Variants in MLIP observed in about 807,000 individuals in gnomAD.
MLIP encodes the protein muscular LMNA interacting protein.
Under a neutral mutation model 84.8 loss-of-function variants are expected in MLIP, and 79 were observed. The ratio of observed to expected loss-of-function variants is 0.93; its 90% confidence interval spans 0.78 to 1.12. The LOEUF is 1.12. Ranked by LOEUF, MLIP falls within the 50% of genes most tolerant of loss-of-function variation. The pLI, the probability that MLIP is intolerant of heterozygous loss-of-function variation, is 0.00. For missense variants in MLIP, 1,257 were observed against 1,160.6 expected (o/e 1.08, Z -1.21); for synonymous variants, 504 against 463.0 (o/e 1.09, Z -1.14).
At chr6:54,155,112 A>G (rs573271111) in intron 5 of MLIP, among the ~76,000 whole-genome samples, 1 of 152,252 alleles carries the variant, frequency 6.6e-6, no homozygotes, top group East Asian at 1.9e-4. Context: ...TTTTAAACCA[A>G]TCATGTAAAA....
At chr6:54,206,408 A>G (rs1779037413) in intron 11 of MLIP, among the ~76,000 whole-genome samples, 1 of 152,046 alleles carries the variant, frequency 6.6e-6, no homozygotes, top group Admixed American at 6.6e-5. Flanking sequence ...TTTCCAAGAA[A>G]TATTTTTCTT....
chr6:54,169,235 G>T (rs1006712427), intron 8 of MLIP, among the ~76,000 whole-genome samples: 4 of 151,658 alleles, frequency 2.6e-5, no homozygotes, highest in Admixed American at 2.6e-4. Context: ...ATTTCTACAT[G>T]AATTTTGAAA....
At chr6:54,186,446 G>A (rs1054237889) in intron 9 of MLIP, among the ~76,000 whole-genome samples, 1 of 152,114 alleles carries the variant, frequency 6.6e-6, no homozygotes, top group Non-Finnish European at 1.5e-5. Context: ...AAATGAAGTG[G>A]GACTTCCAAG....
chr6:54,089,320 TTACCTTAAGC>T (rs1233392216), intron 1 of MLIP, among the ~76,000 whole-genome samples: 2 of 152,156 alleles, frequency 1.3e-5, no homozygotes, highest in African/African-American at 4.8e-5. Context: ...CCACCGGGAA[TTACCTTAAGC>T]TAAGTTTGAA....
intron 12 of MLIP, among the ~76,000 whole-genome samples, chr6:54,246,272 A>C (rs1782074584): frequency 6.6e-6 from 1 of 152,190 alleles, no homozygotes; most frequent in South Asian, 2.1e-4. Context: ...CTTTCAAAGC[A>C]TTAGAAGTCC....
intron 5 of MLIP, among the ~76,000 whole-genome samples, chr6:54,150,013 G>T (rs1354462214): frequency 6.6e-6 from 1 of 151,968 alleles, no homozygotes; most frequent in Non-Finnish European, 1.5e-5. Flanking sequence ...GTGTAATTAT[G>T]GTGTTTCAAA....
chr6:54,116,528 C>A (rs1205871885), intron 1 of MLIP, among the ~76,000 whole-genome samples: 2 of 152,104 alleles, frequency 1.3e-5, no homozygotes, highest in African/African-American at 2.4e-5. Context: ...CACATACAAC[C>A]TATTGAGAAT....
chr6:54,169,470 A>G, intron 8 of MLIP, 58 bp from the exon 9 acceptor site: 2 of 1,186,494 alleles, frequency 1.7e-6, no homozygotes, highest in East Asian at 5.6e-5. Context: ...CCAGAAGTTG[A>G]GTCTATTATT....
chr6:54,159,348 T>C (rs1774374258), intron 5 of MLIP, among the ~76,000 whole-genome samples: 1 of 152,148 alleles, frequency 6.6e-6, no homozygotes, highest in African/African-American at 2.4e-5. Context: ...AAATCGAAAT[T>C]TGAATTAATT....
At chr6:54,234,524 C>T (rs1781234588) in intron 12 of MLIP, among the ~76,000 whole-genome samples, 1 of 152,068 alleles carries the variant, frequency 6.6e-6, no homozygotes, top group Non-Finnish European at 1.5e-5. Flanking sequence ...GCACTTGATC[C>T]TTTTCCTTGA....
chr6:54,043,832 C>T (rs1381907589), intron 1 of MLIP, among the ~76,000 whole-genome samples: 1 of 152,064 alleles, frequency 6.6e-6, no homozygotes, highest in Admixed American at 6.6e-5. Flanking sequence ...AAAGACATTA[C>T]AGAAAATATG....
rs1430946279 is a variant in MLIP, at chr6:54,137,707, T to G, written c.1638T>G (p.Ser546Arg). ...CCCTGCTACAAACCAGTACATCCAG[T>G]TCTGTGGGTCTTCCTCCTGTTCCAC... ...MLSLLQTSTS[S>R]SVGLPPVPPS... is the part of the protein sequence containing the mutation. Residue 546 changes from serine to arginine, a missense_variant, in exon 4 of 14, where the codon AGT (serine) becomes AGG (arginine). Transcript: ENST00000502396. The G allele has an allele frequency of 6.5e-7, 1 of 1,535,940 alleles. No individual in the cohort carries two copies. The highest frequency in any genetic ancestry group is 2.4e-5 in the East Asian group (1 of 40,920).
chr6:54,020,995 G>A (rs1284729273), intron 1 of MLIP, among the ~76,000 whole-genome samples: 1 of 152,186 alleles, frequency 6.6e-6, no homozygotes, highest in East Asian at 1.9e-4. Context: ...CTGTTATCAA[G>A]AAAAGTTTTG....
intron 3 of MLIP, among the ~76,000 whole-genome samples, chr6:54,131,450 C>T (rs912896911): frequency 1.3e-5 from 2 of 152,106 alleles, no homozygotes; most frequent in Non-Finnish European, 2.9e-5. Flanking sequence ...TTTTAATTAA[C>T]TTAAAGTAAC....
intron 1 of MLIP, among the ~76,000 whole-genome samples, chr6:54,089,940 T>G (rs1767751817): frequency 1.3e-5 from 2 of 152,146 alleles, no homozygotes; most frequent in African/African-American, 2.4e-5. Context: ...CCTCATCGTC[T>G]GCATACACCA....
At chr6:54,171,509 C>T (rs547695979) in intron 9 of MLIP, among the ~76,000 whole-genome samples, 4 of 151,494 alleles carry the variant, frequency 2.6e-5, no homozygotes, top group South Asian at 2.1e-4. Flanking sequence ...ACTAGTTTGG[C>T]GCCAACTCTC....
Position 54,148,964 on chromosome 6 carries a change from C to T in MLIP, c.2218-92C>T, listed in dbSNP as rs184498055. The T allele has an allele frequency of 8.8e-5, 86 of 972,974 alleles. 2 individuals are homozygous for T. The highest frequency in any genetic ancestry group is 8.5e-4 in the Admixed American group (42 of 49,664). 60.3% of individuals were successfully genotyped at this position (972,974 alleles called of 1,614,324 possible). A position where few individuals can be genotyped will look rare whatever the true frequency, so the allele number is the denominator to read the frequency against. On this transcript the variant is annotated intron_variant, in intron 4 of 13. Transcript: ENST00000502396. ...AATAACCCTTTTCTTCATTTGATAA[C>T]GTATCATTTAACTTGGTAGAACTGT...
Position 54,159,740 on chromosome 6 carries a change from A to G in MLIP, c.2290-627A>G, listed in dbSNP as rs116176653. 2.7e-3 allele frequency among the ~76,000 whole-genome samples: 412 copies of G among 152,214 alleles called. 1 individual carries two copies. Among genetic ancestry groups the G allele is most frequent in the Middle Eastern group, 0.01 (3 of 294 alleles). ...TGCCAAAAGGATCCCTAAATGTTGTAGATAAACTCTGCCCAAATCTCTGGA... is the reference window on the plus strand; with the variant it reads ...TGCCAAAAGGATCCCTAAATGTTGTGGATAAACTCTGCCCAAATCTCTGGA... On this transcript the variant is annotated intron_variant, in intron 5 of 13. Coordinates refer to ENST00000502396, the MANE Select transcript of MLIP (RefSeq NM_001281747.2).
intron 9 of MLIP, among the ~76,000 whole-genome samples, chr6:54,182,269 T>G (rs1280028720): frequency 2.0e-5 from 3 of 152,168 alleles, no homozygotes; most frequent in Non-Finnish European, 4.4e-5. Context: ...GAGCCCAACA[T>G]AGTTTTGCTT....
Sources: allele counts gnomAD v4.1 joint callset (sites outside exome capture counted in the v4.1 genomes callset), GRCh38; gene constraint gnomAD v4.1.1; transcripts MANE v1.5; gene names NCBI Gene and HGNC (gene_info 2026-07-23, HGNC 2026-07-21).